XYLT1: variants seen among roughly 807,000 people sequenced by gnomAD.
XYLT1 encodes xylosyltransferase 1, also known as beta-D-xylosyltransferase 1.
A neutral mutation model predicts 91.3 loss-of-function variants in XYLT1; 36 were observed. That is an observed-to-expected ratio of 0.39 (90% CI 0.30 to 0.52). The LOEUF is 0.52. XYLT1 is among the 20% of genes least tolerant of loss of function. The pLI is 0.68. For synonymous variants in XYLT1, 588 were observed against 532.0 expected (o/e 1.11, Z -1.45); for missense variants, 1,242 against 1,284.5 (o/e 0.97, Z 0.51).
chr16:17,352,691 A>G (rs906779341), intron 2 of XYLT1, among the ~76,000 whole-genome samples: 1 of 152,118 alleles, frequency 6.6e-6, no homozygotes, highest in Admixed American at 6.5e-5. Flanking sequence ...AGATTTTACA[A>G]CCACCTCCAC....
chr16:17,399,141 T>A (rs2035931485), intron 1 of XYLT1, among the ~76,000 whole-genome samples: 1 of 152,122 alleles, frequency 6.6e-6, no homozygotes, highest in African/African-American at 2.4e-5. Context: ...ACTTCCAATG[T>A]ACTGGAAATC....
chr16:17,408,865 C>CA (rs527738031), intron 1 of XYLT1, among the ~76,000 whole-genome samples: 24 of 150,320 alleles, frequency 1.6e-4, no homozygotes, highest in Non-Finnish European at 2.1e-4. Context: ...CAAAACAAAA[C>CA]AAAAAAAAAG....
intron 1 of XYLT1, among the ~76,000 whole-genome samples, chr16:17,429,403 G>A (rs984541913): frequency 6.6e-6 from 1 of 152,190 alleles, no homozygotes; most frequent in South Asian, 2.1e-4. Context: ...TTAACTCAAC[G>A]GCAAGTATGT....
intron 3 of XYLT1, among the ~76,000 whole-genome samples, chr16:17,225,906 A>T (rs2033056072): frequency 6.6e-6 from 1 of 152,194 alleles, no homozygotes; most frequent in Non-Finnish European, 1.5e-5. Flanking sequence ...GCAGATTCGG[A>T]TCATAAGTTC....
chr16:17,166,686 T>G (rs1373610504), intron 5 of XYLT1, among the ~76,000 whole-genome samples: 4 of 152,076 alleles, frequency 2.6e-5, no homozygotes, highest in East Asian at 3.9e-4. Flanking sequence ...TATTTTTTTT[T>G]TTTTTTGGTA....
chr16:17,211,148 G>A (rs1597194938), intron 3 of XYLT1, among the ~76,000 whole-genome samples: 1 of 152,208 alleles, frequency 6.6e-6, no homozygotes, highest in East Asian at 1.9e-4. Context: ...TATGGCAGGT[G>A]GAATGTGGAT....
At chr16:17,255,328 G>C (rs1031569431) in intron 3 of XYLT1, among the ~76,000 whole-genome samples, 2 of 152,092 alleles carry the variant, frequency 1.3e-5, no homozygotes, top group African/African-American at 2.4e-5. Flanking sequence ...GGTTTAATGG[G>C]AACATAGCGC....
chr16:17,280,701 C>T (rs974149261), intron 2 of XYLT1, among the ~76,000 whole-genome samples: 2 of 152,198 alleles, frequency 1.3e-5, no homozygotes, highest in African/African-American at 2.4e-5. Context: ...TTAGTTAATA[C>T]GTATGTGTTC....
At chr16:17,202,736 G>T (rs2032566501) in intron 3 of XYLT1, among the ~76,000 whole-genome samples, 1 of 152,076 alleles carries the variant, frequency 6.6e-6, no homozygotes, top group African/African-American at 2.4e-5. Flanking sequence ...GTCTGCAATT[G>T]TTTATCTGTT....
chr16:17,176,736 G>A (rs879419393), intron 5 of XYLT1, among the ~76,000 whole-genome samples: 1 of 152,124 alleles, frequency 6.6e-6, no homozygotes, highest in African/African-American at 2.4e-5. Flanking sequence ...ATTTAGCCTG[G>A]TGGAAAGTAA....
At chr16:17,141,465 G>GCACT in intron 6 of XYLT1, 96 bp from the exon 7 acceptor site, 1 of 1,244,456 alleles carries the variant, frequency 8.0e-7, no homozygotes, top group Non-Finnish European at 1.1e-6. Flanking sequence ...AGCGATGATG[G>GCACT]CAATTATTGA....
intron 2 of XYLT1, among the ~76,000 whole-genome samples, chr16:17,350,867 C>A (rs1239436571): frequency 1.3e-5 from 2 of 152,094 alleles, no homozygotes; most frequent in African/African-American, 4.8e-5. Flanking sequence ...AAGAGCTTCA[C>A]AAGAAAGAAG....
At chr16:17,162,971 C>A (rs1567302876) in intron 5 of XYLT1, among the ~76,000 whole-genome samples, 1 of 152,142 alleles carries the variant, frequency 6.6e-6, no homozygotes. Flanking sequence ...AAACAATGCA[C>A]CTAATATCTG....
intron 2 of XYLT1, among the ~76,000 whole-genome samples, chr16:17,310,894 C>T (rs773534367): frequency 5.3e-5 from 8 of 152,050 alleles, no homozygotes; most frequent in Non-Finnish European, 8.8e-5. Flanking sequence ...AGCTTTGTTC[C>T]GAGTGTAGAC....
At chr16:17,111,811 G>T (rs760372864) in intron 11 of XYLT1, among the ~76,000 whole-genome samples, 15 of 152,164 alleles carry the variant, frequency 9.9e-5, no homozygotes, top group Non-Finnish European at 1.8e-4. Flanking sequence ...ACTCTGTCTC[G>T]CAAGGGGTTT....
chr16:17,187,962 C>T (rs2032222341), intron 5 of XYLT1, among the ~76,000 whole-genome samples: 1 of 152,098 alleles, frequency 6.6e-6, no homozygotes, highest in Non-Finnish European at 1.5e-5. Context: ...TCTCTGTTCT[C>T]TGCTCCAGCT....
intron 5 of XYLT1, among the ~76,000 whole-genome samples, chr16:17,164,012 T>C (rs567370046): frequency 1.1e-5 from 1 of 88,414 alleles, no homozygotes; most frequent in East Asian, 4.1e-4. Context: ...TACTCCCACC[T>C]GGAAAACAAG....
At chr16:17,120,050 G>A (rs2029991967) in intron 10 of XYLT1, among the ~76,000 whole-genome samples, 1 of 152,114 alleles carries the variant, frequency 6.6e-6, no homozygotes, top group Admixed American at 6.5e-5. Context: ...TTCCTGTGGG[G>A]GCTGCCATCC....
chr16:17,163,907 G>C (rs1214483707), intron 5 of XYLT1, among the ~76,000 whole-genome samples: 1 of 151,892 alleles, frequency 6.6e-6, no homozygotes, highest in African/African-American at 2.4e-5. Context: ...AAATTAGCCA[G>C]GTGTGGTGGC....
Sources: allele counts gnomAD v4.1 joint callset (sites outside exome capture counted in the v4.1 genomes callset), GRCh38; gene constraint gnomAD v4.1.1; transcripts MANE v1.5; gene names NCBI Gene and HGNC (gene_info 2026-07-23, HGNC 2026-07-21).